The following BBX variants were observed in gnomAD, a reference collection of about 807,000 sequenced individuals.
BBX encodes BBX high mobility group box domain containing.
Under a neutral mutation model 100.2 loss-of-function variants are expected in BBX, and 30 were observed. The ratio of observed to expected loss-of-function variants is 0.30; its 90% CI spans 0.22 to 0.41. BBX has a LOEUF of 0.41. BBX is among the 10% of genes least tolerant of loss of function. The pLI is 1.00. For missense variants in BBX, 1,023 were observed against 1,129.8 expected, an observed-to-expected ratio of 0.91 and a Z score of 1.35; for synonymous variants, 376 against 388.1, an observed-to-expected ratio of 0.97 and a Z score of 0.37.
chr3:107,791,691 G>A (rs1396822506), intron 15 of BBX, among the ~76,000 whole-genome samples: 1 of 152,156 alleles, frequency 6.6e-6, no homozygotes, highest in Non-Finnish European at 1.5e-5. Flanking sequence ...TGACCTGGGT[G>A]TTTTCCTAGC....
At chr3:107,805,242 A>G in intron 17 of BBX, 128 bp from the exon 18 acceptor site, 1 of 1,087,400 alleles carries the variant, frequency 9.2e-7, no homozygotes. Flanking sequence ...AACAGTTTTC[A>G]TTAAATGATG....
chr3:107,583,948 T>A (rs1196160857), intron 2 of BBX, among the ~76,000 whole-genome samples: 8 of 74,524 alleles, frequency 1.1e-4, no homozygotes, highest in African/African-American at 4.7e-4. Context: ...TTATATATAT[T>A]ATTATATTAT....
chr3:107,666,609 A>G (rs1244664429), intron 3 of BBX, among the ~76,000 whole-genome samples: 1 of 152,238 alleles, frequency 6.6e-6, no homozygotes, highest in Non-Finnish European at 1.5e-5. Flanking sequence ...CTCTATTGGC[A>G]GACTGGAGTG....
intron 3 of BBX, among the ~76,000 whole-genome samples, chr3:107,669,726 G>T (rs2058929524): frequency 6.6e-6 from 1 of 152,102 alleles, no homozygotes; most frequent in African/African-American, 2.4e-5. Context: ...TGTATACAAG[G>T]CAGTATATAT....
At chr3:107,588,375 A>T (rs1265008085) in intron 2 of BBX, among the ~76,000 whole-genome samples, 1 of 151,936 alleles carries the variant, frequency 6.6e-6, no homozygotes. Flanking sequence ...TAATGGAGTG[A>T]TGTGTGTAGG....
chr3:107,667,486 A>G (rs1264177316), intron 3 of BBX, among the ~76,000 whole-genome samples: 1 of 151,886 alleles, frequency 6.6e-6, no homozygotes, highest in Non-Finnish European at 1.5e-5. Flanking sequence ...AATAAACTAT[A>G]TTATTAATAA....
In BBX at chr3:107,772,795, A is replaced by C; in HGVS notation, c.1074A>C (p.Lys358Asn). The C allele has an allele frequency of 6.2e-7, 1 of 1,613,496 alleles. No individual in the cohort carries two copies. The change falls in exon 11 of 18, where the codon AAA becomes AAC. Residue 358 changes from lysine to asparagine, a missense_variant. Physicochemically the swap from Lys to Asn is moderately conservative, Grantham distance 94 (BLOSUM62 0). Around this residue, in one of 9 missense-constraint regions of BBX, gnomAD observed 348 missense variants for 353.2 expected, o/e 0.99. Transcript: ENST00000325805. Reference protein sequence around the residue: ...TRLQKEAEFEKSAKENLRDSK... With the variant: ...TRLQKEAEFENSAKENLRDSK... Reference sequence around the variant, plus strand: ...TACAGAAGGAAGCAGAATTTGAAAAATCGGCTAAGGAAAATTTAAGAGATT... The same window carrying C: ...TACAGAAGGAAGCAGAATTTGAAAACTCGGCTAAGGAAAATTTAAGAGATT...
At chr3:107,743,920 T>TTTTTTTTTTTTTTTTTTTTG (rs2064338128) in intron 7 of BBX, among the ~76,000 whole-genome samples, 1 of 4,506 alleles carries the variant, frequency 2.2e-4, no homozygotes, top group African/African-American at 1.0e-3. Flanking sequence ...TTTTAGTGGT[T>TTTTTTTTTTTTTTTTTTTTG]TTTTTTTTTT....
In BBX at chr3:107,574,762, CCTCTT is replaced by C. The variant is rs1490391606; in HGVS notation, c.-84+48367_-84+48371del. 4.6e-5 allele frequency among the ~76,000 whole-genome samples: 7 copies of C among 152,110 alleles called. 1 individual carries two copies. The highest frequency in any genetic ancestry group is 2.0e-4 in the Admixed American group (3 of 15,278). ...CTGAATGCTGAAGAATATCTCTTGA[CCTCTT>C]CTGTGTTGTCCTTCCACATTATAAA... On this transcript the variant is annotated intron_variant, in intron 2 of 17. Transcript: ENST00000325805.
intron 1 of BBX, among the ~76,000 whole-genome samples, chr3:107,525,232 A>C (rs1264150243): frequency 3.3e-5 from 5 of 150,542 alleles, no homozygotes; most frequent in African/African-American, 9.7e-5. Context: ...CCGGAATGGC[A>C]GCGCCGGGCC....
intron 16 of BBX, among the ~76,000 whole-genome samples, chr3:107,799,878 G>A (rs958989346): frequency 5.3e-5 from 8 of 152,104 alleles, no homozygotes; most frequent in Non-Finnish European, 1.0e-4. Flanking sequence ...GAGACCCCCC[G>A]GCCGCAAAAT....
At chr3:107,654,258 A>G (rs1166694950) in intron 3 of BBX, among the ~76,000 whole-genome samples, 1 of 152,182 alleles carries the variant, frequency 6.6e-6, no homozygotes, top group Admixed American at 6.5e-5. Context: ...CAGGTTTGAA[A>G]GTTTAGTTCC....
intron 3 of BBX, among the ~76,000 whole-genome samples, chr3:107,676,568 T>TATC (rs1335813385): frequency 1.1e-4 from 16 of 152,194 alleles, no homozygotes; most frequent in Non-Finnish European, 2.1e-4. Context: ...GCTAATCTTT[T>TATC]ATCATCATCA....
chr3:107,745,119 C>G (rs770353013), intron 8 of BBX, among the ~76,000 whole-genome samples: 5 of 152,034 alleles, frequency 3.3e-5, no homozygotes, highest in Non-Finnish European at 7.4e-5. Flanking sequence ...TTTTAGTGCA[C>G]TTTCATCTTA....
intron 2 of BBX, among the ~76,000 whole-genome samples, chr3:107,564,149 G>A (rs770446625): frequency 5.3e-5 from 8 of 151,610 alleles, no homozygotes; most frequent in Non-Finnish European, 1.2e-4. Context: ...GATTTCATCT[G>A]TTTATTGGCC....
chr3:107,662,479 C>A (rs535936165), intron 3 of BBX: 12 of 151,962 alleles, frequency 7.9e-5, no homozygotes, highest in African/African-American at 1.2e-4. Context: ...AATTGGTATC[C>A]GCTGCCAGTT....
At chr3:107,723,863 A>G (rs2062722494) in intron 5 of BBX, among the ~76,000 whole-genome samples, 2 of 152,172 alleles carry the variant, frequency 1.3e-5, no homozygotes, top group Admixed American at 6.6e-5. Flanking sequence ...TATTGCCGCA[A>G]TAAACATATG....
intron 10 of BBX, among the ~76,000 whole-genome samples, chr3:107,756,182 G>C (rs1436675778): frequency 6.6e-6 from 1 of 152,116 alleles, no homozygotes; most frequent in East Asian, 1.9e-4. Context: ...TGGCAAAGTA[G>C]AAAACTTGCT....
chr3:107,547,426 A>G (rs1208487153), intron 2 of BBX, among the ~76,000 whole-genome samples: 1 of 152,116 alleles, frequency 6.6e-6, no homozygotes, highest in Non-Finnish European at 1.5e-5. Context: ...TACTAAGTAA[A>G]TGAGCATTCA....
Sources: allele counts gnomAD v4.1 joint callset (sites outside exome capture counted in the v4.1 genomes callset), GRCh38; gene constraint gnomAD v4.1.1; regional missense constraint gnomAD v4.1.1; transcripts MANE v1.5; gene names NCBI Gene and HGNC (gene_info 2026-07-23, HGNC 2026-07-21).